Variants in WDFY2 observed in about 807,000 individuals in gnomAD.
WDFY2 encodes WD repeat and FYVE domain-containing protein 2.
WDFY2 carries 36 observed loss-of-function variants against 56.4 expected under a neutral mutation model. The ratio of observed to expected loss-of-function variants is 0.64; its 90% CI spans 0.49 to 0.84. WDFY2 has a LOEUF of 0.84. WDFY2 is among the 40% of genes least tolerant of loss of function. The probability of loss-of-function intolerance (pLI) is 0.00; values close to 1 mark genes in which losing one functional copy is unlikely to be tolerated. For synonymous variants in WDFY2, 176 were observed against 183.7 expected, an observed-to-expected ratio of 0.96 and a Z score of 0.34; for missense variants, 444 against 512.2, an observed-to-expected ratio of 0.87 and a Z score of 1.29.
At chr13:51,754,269 G>C (rs1274716617) in intron 8 of WDFY2, among the ~76,000 whole-genome samples, 1 of 152,058 alleles carries the variant, frequency 6.6e-6, no homozygotes, top group Non-Finnish European at 1.5e-5. Flanking sequence ...CAAACAAAGG[G>C]CGTGTAGACT....
At position 51,762,862 on chromosome 13, in the gene WDFY2, A is replaced by T. The variant is rs1953630897; in HGVS notation, c.*3093A>T. On this transcript the variant is annotated 3_prime_UTR_variant, in exon 12 of 12. Coordinates refer to ENST00000298125, the MANE Select transcript of WDFY2 (RefSeq NM_052950.4). ...AGAGTTGTTCTCTACCTGATGGGGC[A>T]AAACCAACCACATGTTCTTGGTTCC... 2 of 152,246 alleles carry T rather than the reference A, an allele frequency of 1.3e-5. No homozygotes were observed. The highest frequency in any genetic ancestry group is 6.5e-5 in the Admixed American group (1 of 15,282). The allele number at this position is 152,246 out of a possible 1,614,324, so 9.4% of individuals were successfully genotyped here. A position where few individuals can be genotyped will look rare whatever the true frequency, so the allele number is the denominator to read the frequency against.
chr13:51,685,428 T>A (rs1174643735), intron 3 of WDFY2, among the ~76,000 whole-genome samples: 1 of 152,186 alleles, frequency 6.6e-6, no homozygotes, highest in African/African-American at 2.4e-5. Flanking sequence ...ACTTAACTAC[T>A]AATAGCCTGC....
intron 3 of WDFY2, among the ~76,000 whole-genome samples, chr13:51,698,534 T>C (rs1951921179): frequency 6.6e-6 from 1 of 152,198 alleles, no homozygotes. Flanking sequence ...GGTCAGGGTT[T>C]AGGTAAGTCA....
chr13:51,680,774 TA>T (rs1279914382), intron 3 of WDFY2, among the ~76,000 whole-genome samples: 1 of 152,184 alleles, frequency 6.6e-6, no homozygotes, highest in African/African-American at 2.4e-5. Context: ...TCCTCTAGAC[TA>T]AGTGATATCT....
intron 1 of WDFY2, among the ~76,000 whole-genome samples, chr13:51,642,795 C>G (rs2138407770): frequency 6.6e-6 from 1 of 151,778 alleles, no homozygotes; most frequent in South Asian, 2.1e-4. Context: ...ATTCTCCTGC[C>G]TCAGCCTACC....
chr13:51,741,524 G>A (rs1483003168), intron 7 of WDFY2, among the ~76,000 whole-genome samples: 1 of 152,150 alleles, frequency 6.6e-6, no homozygotes, highest in African/African-American at 2.4e-5. Flanking sequence ...GAGATGGCAT[G>A]GAAAGAAGGT....
chr13:51,729,530 G>A (rs1444840603), intron 6 of WDFY2, among the ~76,000 whole-genome samples: 1 of 150,196 alleles, frequency 6.7e-6, no homozygotes, highest in African/African-American at 2.4e-5. Flanking sequence ...CCTTCCTCCA[G>A]CCCATTCTTC....
chr13:51,596,788 T>C (rs1267400798), intron 1 of WDFY2, among the ~76,000 whole-genome samples: 2 of 152,206 alleles, frequency 1.3e-5, no homozygotes, highest in Non-Finnish European at 2.9e-5. Flanking sequence ...GGGTCTTATC[T>C]CTGGTGCTGC....
intron 1 of WDFY2, among the ~76,000 whole-genome samples, chr13:51,659,674 C>T: frequency 6.6e-6 from 1 of 152,198 alleles, no homozygotes; most frequent in Admixed American, 6.5e-5. Context: ...TGCCTTGTCT[C>T]TCTACAGCTG....
intron 1 of WDFY2, among the ~76,000 whole-genome samples, chr13:51,629,104 A>G (rs893673327): frequency 4.6e-5 from 7 of 152,222 alleles, no homozygotes; most frequent in Non-Finnish European, 5.9e-5. Flanking sequence ...GAAAATGCCT[A>G]TGAAACTAAG....
At chr13:51,687,367 A>G (rs1956078495) in intron 3 of WDFY2, among the ~76,000 whole-genome samples, 1 of 152,012 alleles carries the variant, frequency 6.6e-6, no homozygotes, top group African/African-American at 2.4e-5. Flanking sequence ...CATAGAAGTG[A>G]TACATGCTAT....
In WDFY2 at chr13:51,585,940, G is replaced by T. The variant is rs142624223; in HGVS notation, c.137+1116G>T. ...GTTTGTTCATGTCTTAGGTTCTTCA[G>T]TATAACTAGGATGAGTATATTAATG... On this transcript the variant is annotated intron_variant, in intron 1 of 11. Coordinates refer to ENST00000298125, the MANE Select transcript of WDFY2 (RefSeq NM_052950.4). The T allele has an allele frequency of 1.5e-3, 580 of 398,190 alleles. 5 individuals are homozygous for T. The highest frequency in any genetic ancestry group is 0.011 in the African/African-American group (519 of 48,732). The allele number at this position is 398,190 out of a possible 1,614,324, so 24.7% of individuals were successfully genotyped here. A position where few individuals can be genotyped will look rare whatever the true frequency, so the allele number is the denominator to read the frequency against.
At chr13:51,664,947 T>C (rs1036735262) in intron 2 of WDFY2, among the ~76,000 whole-genome samples, 4 of 152,262 alleles carry the variant, frequency 2.6e-5, no homozygotes, top group Non-Finnish European at 4.4e-5. Context: ...CATTGTACGA[T>C]GTACTAAGGA....
intron 7 of WDFY2, among the ~76,000 whole-genome samples, chr13:51,744,849 G>A (rs535512742): frequency 6.0e-4 from 92 of 152,304 alleles, no homozygotes; most frequent in Admixed American, 3.7e-3. Context: ...AACCCCTAAC[G>A]TGTAAACCTG....
chr13:51,694,540 C>A (rs1021834114), intron 3 of WDFY2, among the ~76,000 whole-genome samples: 24 of 152,192 alleles, frequency 1.6e-4, no homozygotes, highest in Admixed American at 1.2e-3. Context: ...ATAGTTTCTG[C>A]CCAGAGATCC....
intron 5 of WDFY2, among the ~76,000 whole-genome samples, chr13:51,724,010 C>T (rs1470362171): frequency 6.6e-6 from 1 of 151,802 alleles, no homozygotes; most frequent in African/African-American, 2.4e-5. Context: ...TTTTTAGTTC[C>T]TAATTTTCAG....
intron 3 of WDFY2, among the ~76,000 whole-genome samples, chr13:51,695,210 T>C (rs1042127476): frequency 6.8e-4 from 104 of 152,378 alleles, no homozygotes; most frequent in Non-Finnish European, 1.0e-3. Context: ...TCCAGCTTTG[T>C]TCCGTTGCTG....
At position 51,698,170 on chromosome 13, in the gene WDFY2, G is replaced by A. The variant is rs544558500; in HGVS notation, c.280-5426G>A. ...CAGTGCCCAAGCTCTTAAGCACCGT[G>A]CTTTGCTATCTTTAAACCAGAACCC... On this transcript the variant is annotated intron_variant, in intron 3 of 11. Coordinates refer to ENST00000298125, the MANE Select transcript of WDFY2 (RefSeq NM_052950.4). Among the ~76,000 whole-genome samples the A allele has an allele frequency of 6.6e-5, 10 of 152,308 alleles. 1 individual carries two copies. Among genetic ancestry groups the A allele is most frequent in the Admixed American group, 6.5e-4 (10 of 15,292 alleles).
intron 3 of WDFY2, among the ~76,000 whole-genome samples, chr13:51,694,067 C>G (rs1367805294): frequency 1.3e-5 from 2 of 152,016 alleles, no homozygotes; most frequent in East Asian, 1.9e-4. Context: ...TATTTTGAGC[C>G]TATGTGTGTC....
Sources: gnomAD v4.1 joint callset for allele counts (sites outside exome capture counted in the v4.1 genomes callset) on GRCh38, gnomAD v4.1.1 for gene constraint, MANE v1.5 for transcripts, NCBI Gene and HGNC (gene_info 2026-07-23, HGNC 2026-07-21) for gene names.